Variants in FILIP1 observed in about 807,000 individuals in gnomAD.
FILIP1 encodes the protein filamin A interacting protein 1.
In FILIP1, 61 loss-of-function variants were observed where a neutral mutation model predicts 102.1. The observed-to-expected ratio is 0.60, with a 90% confidence interval of 0.49 to 0.74. The LOEUF is 0.74. FILIP1 is among the 30% of genes least tolerant of loss of function. The pLI, the probability that FILIP1 is intolerant of heterozygous loss-of-function variation, is 0.00. For synonymous variants in FILIP1, 491 were observed against 526.9 expected (o/e 0.93, Z 0.93); for missense variants, 1,314 against 1,441.2 (o/e 0.91, Z 1.43).
rs191183397 is a variant in FILIP1, at chr6:75,343,843, A to C, written c.629+9696T>G. On this transcript the variant is annotated intron_variant, in intron 4 of 5. Coordinates refer to ENST00000237172, the MANE Select transcript of FILIP1 (RefSeq NM_015687.5). ...AAATGATAATGTGAAAGCTATAACAATTTTATTATTGTAACCCTTGGTCTC... is the reference window on the plus strand; with the variant it reads ...AAATGATAATGTGAAAGCTATAACACTTTTATTATTGTAACCCTTGGTCTC... Among the ~76,000 whole-genome samples the C allele has an allele frequency of 2.0e-5, 3 of 152,344 alleles. No individual in the cohort carries two copies. The East Asian group carries it at 5.8e-4, about 29-fold the overall frequency.
intron 4 of FILIP1, among the ~76,000 whole-genome samples, chr6:75,318,609 C>A (rs1334797881): frequency 6.6e-6 from 1 of 152,142 alleles, no homozygotes; most frequent in African/African-American, 2.4e-5. Context: ...TAGAAGCATT[C>A]AGAATGTCAA....
chr6:75,485,606 G>A (rs1779760519), intron 1 of FILIP1, among the ~76,000 whole-genome samples: 3 of 152,136 alleles, frequency 2.0e-5, no homozygotes, highest in African/African-American at 7.2e-5. Context: ...AGTTTTATTA[G>A]AATCGCTCTC....
In FILIP1 at chr6:75,437,011, C is replaced by T. The variant is rs72889027; in HGVS notation, c.-6-22033G>A. On this transcript the variant is annotated intron_variant, in intron 1 of 5. Transcript: ENST00000237172. ...GCTCCAGCACACCACTGAGAAAGGG[C>T]CAAATAACTCCTGCAGCCTCAACTC... Among the ~76,000 whole-genome samples the T allele has an allele frequency of 5.9e-3, 898 of 152,198 alleles. 7 individuals are homozygous for T. The highest frequency in any genetic ancestry group is 9.6e-3 in the Admixed American group (147 of 15,290).
At chr6:75,340,762 C>T (rs1012173999) in intron 4 of FILIP1, among the ~76,000 whole-genome samples, 1 of 151,420 alleles carries the variant, frequency 6.6e-6, no homozygotes, top group Non-Finnish European at 1.5e-5. Context: ...GTGGCATGAT[C>T]TAGGCTCACT....
At chr6:75,328,834 C>G (rs1773966564) in intron 4 of FILIP1, among the ~76,000 whole-genome samples, 1 of 151,994 alleles carries the variant, frequency 6.6e-6, no homozygotes. Flanking sequence ...TAGCTCGCCC[C>G]TCTCACCTCC....
chr6:75,409,022 TA>T lies in FILIP1; in HGVS notation c.276+5674del, dbSNP rs1351106987. Among the ~76,000 whole-genome samples, 4 of 152,068 alleles carry T rather than the reference TA, an allele frequency of 2.6e-5. No individual in the cohort carries two copies. In the South Asian group the frequency reaches 6.2e-4, roughly 24 times the overall value. On this transcript the variant is annotated intron_variant, in intron 2 of 5. Transcript: ENST00000237172. The stretch of plus-strand genomic sequence containing the variant: ...CAGATCCCATTTTGTCTCCCTGGTG[TA>T]AAAAAAACCTTAAATTTCTCTTACC...
chr6:75,331,792 C>T (rs925461345), intron 4 of FILIP1, among the ~76,000 whole-genome samples: 5 of 152,096 alleles, frequency 3.3e-5, no homozygotes, highest in South Asian at 2.1e-4. Context: ...ACAACCTGCA[C>T]GACTGCAGTG....
At chr6:75,307,740 C>T (rs562243396), downstream of FILIP1, among the ~76,000 whole-genome samples, 1 of 152,098 alleles carries the variant, frequency 6.6e-6, no homozygotes, top group South Asian at 2.1e-4. Flanking sequence ...ACATACACAC[C>T]CAAATCATGA....
intron 1 of FILIP1, 68 bp from the exon 2 acceptor site, chr6:75,415,046 CT>C: frequency 7.0e-7 from 1 of 1,427,612 alleles, no homozygotes; most frequent in Non-Finnish European, 9.6e-7. Flanking sequence ...TGCCTAAATA[CT>C]TAGAAACTTA....
At chr6:75,360,188 C>T (rs1775129544) in intron 3 of FILIP1, among the ~76,000 whole-genome samples, 1 of 152,156 alleles carries the variant, frequency 6.6e-6, no homozygotes, top group Non-Finnish European at 1.5e-5. Flanking sequence ...CTCAGACATG[C>T]CCAAAATCTC....
chr6:75,362,944 G>T, intron 2 of FILIP1, 27 bp from the exon 3 acceptor site: 1 of 1,605,918 alleles, frequency 6.2e-7, no homozygotes, highest in South Asian at 1.1e-5. Flanking sequence ...AGCAAGATCA[G>T]ACGACTGACA....
At chr6:75,436,981 A>G (rs1179402281) in intron 1 of FILIP1, among the ~76,000 whole-genome samples, 1 of 152,200 alleles carries the variant, frequency 6.6e-6, no homozygotes, top group Non-Finnish European at 1.5e-5. Flanking sequence ...AGCCAGTGCC[A>G]GCTGGCTCCA....
intron 1 of FILIP1, among the ~76,000 whole-genome samples, chr6:75,488,683 G>T (rs532546117): frequency 5.9e-5 from 9 of 151,918 alleles, no homozygotes; most frequent in African/African-American, 1.9e-4. Flanking sequence ...CTTTCAACTG[G>T]GAAAAATAAA....
chr6:75,378,979 T>G (rs1775822064), intron 2 of FILIP1, among the ~76,000 whole-genome samples: 1 of 152,174 alleles, frequency 6.6e-6, no homozygotes, highest in Non-Finnish European at 1.5e-5. Flanking sequence ...ATTTCAAAGA[T>G]CCTGATTCAG....
intron 4 of FILIP1, among the ~76,000 whole-genome samples, chr6:75,348,689 G>T (rs1774680126): frequency 6.6e-6 from 1 of 152,156 alleles, no homozygotes. Context: ...TTGGAGGAGG[G>T]CTTTATTAAG....
chr6:75,441,620 C>CG (rs1562603843), intron 1 of FILIP1, among the ~76,000 whole-genome samples: 1 of 144,622 alleles, frequency 6.9e-6, no homozygotes, highest in East Asian at 2.1e-4. Flanking sequence ...CTGACCCCCC[C>CG]GACCTCCCTC....
chr6:75,464,088 T>G (rs535448205), intron 1 of FILIP1, among the ~76,000 whole-genome samples: 41 of 152,330 alleles, frequency 2.7e-4, no homozygotes, highest in Middle Eastern at 3.4e-3. Context: ...ATGTCTGTCC[T>G]TAAGAATCCA....
At chr6:75,441,712 ACC>A (rs1211033227) in intron 1 of FILIP1, among the ~76,000 whole-genome samples, 3 of 125,126 alleles carry the variant, frequency 2.4e-5, no homozygotes, top group African/African-American at 6.4e-5. Flanking sequence ...CGGGGGACTG[ACC>A]CCCCCACCTC....
intron 3 of FILIP1, among the ~76,000 whole-genome samples, chr6:75,359,935 C>T (rs1775122723): frequency 1.3e-5 from 2 of 152,064 alleles, no homozygotes; most frequent in South Asian, 4.1e-4. Context: ...AAATTGAGTA[C>T]CTAAAATGAG....
Sources: allele counts gnomAD v4.1 joint callset (sites outside exome capture counted in the v4.1 genomes callset), GRCh38; gene constraint gnomAD v4.1.1; transcripts MANE v1.5; gene names NCBI Gene and HGNC (gene_info 2026-07-23, HGNC 2026-07-21).